The following UBR1 variants were observed in gnomAD, a reference collection of about 807,000 sequenced individuals.
UBR1 encodes E3 ubiquitin-protein ligase UBR1.
Under a neutral mutation model 242.1 loss-of-function variants are expected in UBR1, and 102 were observed. That is an observed-to-expected ratio of 0.42 (90% CI 0.36 to 0.50). The LOEUF is 0.50. UBR1 is among the 20% of genes least tolerant of loss of function. UBR1 has a pLI of 0.01. For missense variants in UBR1, 1,772 were observed against 2,101.8 expected, an observed-to-expected ratio of 0.84 and a Z score of 3.07; for synonymous variants, 675 against 684.8, an observed-to-expected ratio of 0.99 and a Z score of 0.22.
rs1483351630 is a variant in UBR1 at position 42,944,452 on chromosome 15, GT to G, written c.*876del. The G allele has an allele frequency of 6.6e-6, 1 of 152,252 alleles. No individual in the cohort carries two copies. Among genetic ancestry groups the G allele is most frequent in the Non-Finnish European group, 1.5e-5 (1 of 68,028 alleles). The allele number at this position is 152,252 out of a possible 1,614,324, so 9.4% of individuals were successfully genotyped here. ...TTAAATCTGATTGTTCTAATTTACA[GT>G]TGTCATGATCCACTCATTGCGAGAA... On this transcript the variant is annotated 3_prime_UTR_variant, in exon 47 of 47. Coordinates refer to ENST00000290650, the MANE Select transcript of UBR1 (RefSeq NM_174916.3).
chr15:43,092,807 C>A (rs2034119215), intron 1 of UBR1, among the ~76,000 whole-genome samples: 1 of 152,198 alleles, frequency 6.6e-6, no homozygotes, highest in Admixed American at 6.5e-5. Flanking sequence ...CTGCCTTGGC[C>A]TCCCAAAGTG....
At chr15:43,104,413 A>G (rs2141375581) in intron 1 of UBR1, among the ~76,000 whole-genome samples, 1 of 152,308 alleles carries the variant, frequency 6.6e-6, no homozygotes, top group Middle Eastern at 3.4e-3. Context: ...TACCATTAAA[A>G]TGTTTCAGTT....
intron 7 of UBR1, 93 bp from the exon 8 acceptor site, chr15:43,059,918 T>C: frequency 1.3e-6 from 2 of 1,563,024 alleles, no homozygotes; most frequent in Non-Finnish European, 1.8e-6. Flanking sequence ...CACATAACCC[T>C]GCCAGTTCCA....
At chr15:42,980,085 A>AT (rs1283970420) in intron 37 of UBR1, among the ~76,000 whole-genome samples, 3 of 151,980 alleles carry the variant, frequency 2.0e-5, no homozygotes, top group Non-Finnish European at 2.9e-5. Flanking sequence ...TACCTATCTT[A>AT]TTTTTTTCTC....
rs540677866 is a variant in UBR1 at position 42,957,097 on chromosome 15, T to C, written c.4835+916A>G. Among the ~76,000 whole-genome samples the C allele has an allele frequency of 3.3e-5, 5 of 152,236 alleles. No individual in the cohort carries two copies. In the South Asian group the frequency reaches 8.3e-4, roughly 25 times the overall value. On this transcript the variant is annotated intron_variant, in intron 44 of 46. Coordinates refer to ENST00000290650, the MANE Select transcript of UBR1 (RefSeq NM_174916.3). ...GTATTTTTTTTAGTAGCATTATCTG[T>C]AATAGTCAAAAGGGGGAAACAACCT...
In UBR1 at chr15:42,998,107, A is replaced by T. The variant is rs556486246; in HGVS notation, c.3757+61T>A. ...CCATATTTTAGCCCAATAATTATTT[A>T]AAAAAATAAAGATTCTGACACCATC... On this transcript the variant is annotated intron_variant, in intron 33 of 46. Coordinates refer to ENST00000290650, the MANE Select transcript of UBR1 (RefSeq NM_174916.3). 1.9e-4 allele frequency: 270 copies of T among 1,407,190 alleles called. 1 individual carries two copies. The African/African-American group carries it at 3.2e-3, about 17-fold the overall frequency. 87.2% of individuals were successfully genotyped at this position (1,407,190 alleles called of 1,614,324 possible).
Position 43,068,421 on chromosome 15 carries a change from A to G in UBR1, c.660-385T>C, listed in dbSNP as rs895111494. 2.6e-5 allele frequency among the ~76,000 whole-genome samples: 4 copies of G among 151,988 alleles called. No individual in the cohort carries two copies. The East Asian group carries it at 7.7e-4, about 29-fold the overall frequency. ...AGGCTGGTTGCAAACTCCTGAGCTC[A>G]AGCAATCCGCCTGTTTTGACCTCCC... On this transcript the variant is annotated intron_variant, in intron 5 of 46. Coordinates refer to ENST00000290650, the MANE Select transcript of UBR1 (RefSeq NM_174916.3).
intron 29 of UBR1, among the ~76,000 whole-genome samples, chr15:43,013,072 AT>A (rs2141294086): frequency 6.6e-6 from 1 of 152,172 alleles, no homozygotes; most frequent in South Asian, 2.1e-4. Flanking sequence ...CACCCGGCTA[AT>A]TTTTGTATTT....
chr15:43,002,829 C>G, intron 31 of UBR1, 125 bp from the exon 32 acceptor site: 1 of 1,168,912 alleles, frequency 8.6e-7, no homozygotes. Context: ...ATCTTTAGAA[C>G]ATACATGCAA....
intron 33 of UBR1, among the ~76,000 whole-genome samples, chr15:42,990,454 T>A (rs1237024764): frequency 6.6e-6 from 1 of 152,194 alleles, no homozygotes; most frequent in East Asian, 1.9e-4. Context: ...ATTACAGACA[T>A]GAGCCACTGT....
At chr15:43,051,072 C>T (rs562045181) in intron 12 of UBR1, among the ~76,000 whole-genome samples, 23 of 152,258 alleles carry the variant, frequency 1.5e-4, no homozygotes, top group Non-Finnish European at 8.8e-5. Context: ...ATTTCATTAC[C>T]GGGTATTCAC....
In UBR1 at chr15:43,007,280, G is replaced by A; in HGVS notation, c.3214C>T (p.Pro1072Ser). The A allele has an allele frequency of 6.2e-7, 1 of 1,613,908 alleles. No individual in the cohort carries two copies. The change falls in exon 30 of 47, where the codon CCA becomes TCA. Residue 1072 changes from proline to serine, a missense_variant. Around this residue, in one of 3 missense-constraint regions of UBR1, gnomAD observed 965 missense variants for 1,079.7 expected, o/e 0.89. Transcript: ENST00000290650. ...ATTCTAGAGTAGTCACTGACTGCTG[G>A]GGTGCTACCAAAAGAAATGATCAGA... ...EDSIMEEEST[P>S]AVSDYSRIAL... is the part of the protein sequence containing the mutation.
At chr15:42,962,037 G>T (rs751709791) in intron 42 of UBR1, among the ~76,000 whole-genome samples, 1 of 151,250 alleles carries the variant, frequency 6.6e-6, no homozygotes, top group Non-Finnish European at 1.5e-5. Flanking sequence ...GTGAGCCACC[G>T]CACCCAACCT....
chr15:43,061,306 C>T (rs545146944), intron 6 of UBR1, among the ~76,000 whole-genome samples: 6 of 152,316 alleles, frequency 3.9e-5, no homozygotes, highest in Admixed American at 2.0e-4. Context: ...ACCTACAGAC[C>T]TTCTGAAGCA....
chr15:43,069,239 G>C (rs1381010154), intron 5 of UBR1, among the ~76,000 whole-genome samples: 1 of 151,394 alleles, frequency 6.6e-6, no homozygotes, highest in Non-Finnish European at 1.5e-5. Flanking sequence ...GATCTCACAA[G>C]ATATGTAAAA....
intron 35 of UBR1, among the ~76,000 whole-genome samples, chr15:42,985,993 A>AC (rs1732575215): frequency 6.6e-6 from 1 of 150,574 alleles, no homozygotes; most frequent in African/African-American, 2.4e-5. Flanking sequence ...CTGTCTCAAA[A>AC]AAAAAAAAAA....
chr15:43,035,572 T>A (rs2033322549), intron 19 of UBR1, among the ~76,000 whole-genome samples: 1 of 149,820 alleles, frequency 6.7e-6, no homozygotes, highest in Admixed American at 6.7e-5. Flanking sequence ...TCCCATTTTG[T>A]AGGTTGCCTG....
intron 23 of UBR1, 122 bp downstream of exon 23, chr15:43,026,439 G>T: frequency 1.4e-6 from 1 of 724,298 alleles, no homozygotes; most frequent in Non-Finnish European, 2.4e-6. Context: ...ATTCTTGGGT[G>T]ACATAATGAC....
intron 42 of UBR1, among the ~76,000 whole-genome samples, chr15:42,962,192 A>G (rs2032034658): frequency 6.6e-6 from 1 of 152,208 alleles, no homozygotes; most frequent in African/African-American, 2.4e-5. Flanking sequence ...CTAGAAAAAC[A>G]GAAACCATTC....
Sources: allele counts gnomAD v4.1 joint callset (sites outside exome capture counted in the v4.1 genomes callset), GRCh38; gene constraint gnomAD v4.1.1; regional missense constraint gnomAD v4.1.1; transcripts MANE v1.5; gene names NCBI Gene and HGNC (gene_info 2026-07-23, HGNC 2026-07-21).